The following HRG variants were observed in gnomAD, a reference collection of about 807,000 sequenced individuals.
HRG encodes histidine-rich glycoprotein.
A neutral mutation model predicts 29.5 loss-of-function variants in HRG; 26 were observed. That is an observed-to-expected ratio of 0.88 (90% CI 0.65 to 1.22). The LOEUF is 1.22. Ranked by LOEUF, HRG falls within the 50% of genes most tolerant of loss-of-function variation. The pLI is 0.00. For synonymous variants in HRG, 243 were observed against 240.4 expected, an observed-to-expected ratio of 1.01 and a Z score of -0.10; for missense variants, 671 against 654.5, an observed-to-expected ratio of 1.03 and a Z score of -0.28.
chr3:186,677,789 C>A lies in HRG; in HGVS notation c.1484C>A (p.Pro495His). 2.5e-6 allele frequency: 4 copies of A among 1,614,128 alleles called. 1 individual carries two copies. The highest frequency in any genetic ancestry group is 3.4e-6 in the Non-Finnish European group (4 of 1,179,970). The change falls in exon 7 of 7, where the codon CCC becomes CAC. Residue 495 changes from proline to histidine, a missense_variant. Physicochemically the swap from Pro to His is moderately conservative, Grantham distance 77. Transcript: ENST00000232003. ...CATCCTCTAAAGCCAGACAATCAGC[C>A]CTTTCCTCAATCAGTCTCTGAATCA... ...HKHPLKPDNQ[P>H]FPQSVSESCP...
In HRG at chr3:186,677,725, G is replaced by A. The variant is rs745361026; in HGVS notation, c.1420G>A (p.Glu474Lys). 1.1e-5 allele frequency: 17 copies of A among 1,611,424 alleles called. No homozygotes were observed. The South Asian group carries it at 1.8e-4, about 17-fold the overall frequency. The part of the protein sequence containing the change: ...LRKGEVLPLP[E>K]ANFPSFPLPH... ...AAAAGGTGAGGTGCTGCCACTTCCT[G>A]AGGCCAATTTTCCCAGCTTCCCATT... The change falls in exon 7 of 7, where the codon GAG becomes AAG. Residue 474 changes from glutamate to lysine, a missense_variant. Physicochemically the swap from Glu to Lys is moderately conservative, Grantham distance 56. Coordinates refer to ENST00000232003, the MANE Select transcript of HRG (RefSeq NM_000412.5).
intron 5 of HRG, chr3:186,673,673 TC>T (rs1191489828): frequency 1.3e-5 from 2 of 152,112 alleles, no homozygotes; most frequent in Non-Finnish European, 2.9e-5. Flanking sequence ...CTCACAGGAA[TC>T]CCACTTGACA....
chr3:186,677,065 G>A lies in HRG; in HGVS notation c.760G>A (p.Gly254Ser). Residue 254 changes from glycine (G) to serine (S), a missense_variant, in exon 7 of 7, where the codon GGT becomes AGT. Coordinates refer to ENST00000232003, the MANE Select transcript of HRG (RefSeq NM_000412.5). ...TTTCCAGGAACATGAGAACATCAAT[G>A]GTGTACCGCCTCATTTGGGACATCC... ...FDPQEHENIN[G>S]VPPHLGHPFH... The A allele has an allele frequency of 6.2e-7, 1 of 1,613,980 alleles. No homozygotes were observed. The highest frequency in any genetic ancestry group is 8.5e-7 in the Non-Finnish European group (1 of 1,179,924).
intron 1 of HRG, chr3:186,668,518 G>T (rs1186450410): frequency 2.4e-5 from 5 of 205,346 alleles, no homozygotes; most frequent in Non-Finnish European, 5.0e-5. Flanking sequence ...GAAGAGAGAG[G>T]ATTTAGCTTT....
chr3:186,674,624 C>T (rs1422774101), intron 5 of HRG: 1 of 244,752 alleles, frequency 4.1e-6, no homozygotes, highest in Non-Finnish European at 8.0e-6. Flanking sequence ...CAGACACTTG[C>T]CTTGACAATG....
chr3:186,675,809 T>C (rs948100353), intron 6 of HRG, among the ~76,000 whole-genome samples: 2 of 149,466 alleles, frequency 1.3e-5, no homozygotes, highest in Non-Finnish European at 3.0e-5. Flanking sequence ...CAATCCCAAG[T>C]TAAAAAAAAG....
Position 186,671,766 on chromosome 3 carries a change from C to A in HRG, c.535C>A (p.Arg179=). The part of the protein sequence containing the change: ...NDDFASFRVD[R]IERVARVRGG... Reference sequence around the variant, plus strand: ...TGACTTTGCCTCTTTCAGAGTGGACCGAATCGAGAGAGTTGCAAGAGTGGT... The same window carrying A: ...TGACTTTGCCTCTTTCAGAGTGGACAGAATCGAGAGAGTTGCAAGAGTGGT... Residue 179 remains arginine (R), a synonymous_variant, in exon 4 of 7, where the codon CGA becomes AGA. Coordinates refer to ENST00000232003, the MANE Select transcript of HRG (RefSeq NM_000412.5). 6.2e-7 allele frequency: 1 copy of A among 1,613,812 alleles called. No homozygotes were observed. The highest frequency in any genetic ancestry group is 8.5e-7 in the Non-Finnish European group (1 of 1,179,888).
In HRG at chr3:186,671,605, G is replaced by A. The variant is rs750086510; in HGVS notation, c.392-18G>A. On this transcript the variant is annotated intron_variant, in intron 3 of 6. Transcript: ENST00000232003. ...ATTTCCAGCCCTTTACTGTGACACT[G>A]CTATCTTCTTTCTCCAGTCTCTTCA... 4 of 1,612,466 alleles carry A rather than the reference G, an allele frequency of 2.5e-6. No individual in the cohort carries two copies. The South Asian group carries it at 4.4e-5, about 18-fold the overall frequency.
Position 186,677,933 on chromosome 3 carries a change from A to G in HRG, c.*50A>G, listed in dbSNP as rs375471719. 3.3e-6 allele frequency: 5 copies of G among 1,534,108 alleles called. No individual in the cohort carries two copies. The highest frequency in any genetic ancestry group is 2.7e-5 in the African/African-American group (2 of 72,916). The stretch of plus-strand genomic sequence containing the variant: ...ATGAATAATACATTGAATTAGAAAC[A>G]TAAATAAAATGACCAGTAATTGTGA... On this transcript the variant is annotated 3_prime_UTR_variant, in exon 7 of 7. Transcript: ENST00000232003.
rs1367965463 is a variant in HRG, at chr3:186,675,300, T to TGAGA, written c.741+111_741+112insAGAG. ...CTATGAGTGGGTGTGTGTGTGTGTG[T>TGAGA]GTGTGTGTGAGAGAGAGAGAGAGAG... On this transcript the variant is annotated intron_variant, in intron 6 of 6. Coordinates refer to ENST00000232003, the MANE Select transcript of HRG (RefSeq NM_000412.5). 9.9e-4 allele frequency: 594 copies of TGAGA among 601,792 alleles called. 4 individuals are homozygous for TGAGA. Among genetic ancestry groups the TGAGA allele is most frequent in the African/African-American group, 5.3e-3 (233 of 44,368 alleles). The allele number at this position is 601,792 out of a possible 1,614,324, so 37.3% of individuals were successfully genotyped here. A position where few individuals can be genotyped will look rare whatever the true frequency, so the allele number is the denominator to read the frequency against.
Position 186,677,944 on chromosome 3 carries a change from G to C in HRG, c.*61G>C. ...ATTGAATTAGAAACATAAATAAAAT[G>C]ACCAGTAATTGTGAAAATTACAGTT... On this transcript the variant is annotated 3_prime_UTR_variant, in exon 7 of 7. Coordinates refer to ENST00000232003, the MANE Select transcript of HRG (RefSeq NM_000412.5). 1 of 1,500,192 alleles carries C rather than the reference G, an allele frequency of 6.7e-7. No individual in the cohort carries two copies. The highest frequency in any genetic ancestry group is 9.2e-7 in the Non-Finnish European group (1 of 1,082,556). The allele number at this position is 1,500,192 out of a possible 1,614,324, so 92.9% of individuals were successfully genotyped here.
chr3:186,671,737 A>G lies in HRG; in HGVS notation c.506A>G (p.Asn169Ser). ...NKALEKYKEE[N>S]DDFASFRVDR... is the part of the protein sequence containing the mutation. ...GCCCTTGAGAAGTACAAAGAGGAGA[A>G]TGATGACTTTGCCTCTTTCAGAGTG... The change falls in exon 4 of 7, where the codon AAT (asparagine) becomes AGT (serine). Residue 169 changes from asparagine (N) to serine (S), a missense_variant. Physicochemically the swap from Asn to Ser is conservative, Grantham distance 46. Coordinates refer to ENST00000232003, the MANE Select transcript of HRG (RefSeq NM_000412.5). 6.2e-7 allele frequency: 1 copy of G among 1,614,064 alleles called. No homozygotes were observed. The highest frequency in any genetic ancestry group is 8.5e-7 in the Non-Finnish European group (1 of 1,179,922).
At chr3:186,674,740 T>C in intron 5 of HRG, 1 of 352,664 alleles carries the variant, frequency 2.8e-6, no homozygotes, top group Non-Finnish European at 5.5e-6. Flanking sequence ...CCATTCCTCA[T>C]TGTCCTAGGC....
chr3:186,670,914 CA>C (rs1237334230), intron 3 of HRG, among the ~76,000 whole-genome samples: 1 of 152,028 alleles, frequency 6.6e-6, no homozygotes, highest in African/African-American at 2.4e-5. Context: ...ATAGCAAATC[CA>C]AATATGATAT....
intron 6 of HRG, among the ~76,000 whole-genome samples, chr3:186,676,597 A>G (rs1450698741): frequency 1.3e-5 from 2 of 151,932 alleles, no homozygotes; most frequent in Admixed American, 1.3e-4. Flanking sequence ...TGTCTCTACT[A>G]AAAATACAAA....
chr3:186,677,412 C>T lies in HRG; in HGVS notation c.1107C>T (p.His369=), dbSNP rs945204864. The T allele has an allele frequency of 6.2e-7, 1 of 1,608,170 alleles. No homozygotes were observed. The highest frequency in any genetic ancestry group is 8.5e-7 in the Non-Finnish European group (1 of 1,177,068). The part of the protein sequence containing the change: ...QHPHGHHPHA[H]HPHEHDTHRQ... Reference sequence around the variant, plus strand: ...CCCACGGACACCATCCCCATGCACACCATCCTCATGAACATGATACCCATA... The same window carrying T: ...CCCACGGACACCATCCCCATGCACATCATCCTCATGAACATGATACCCATA... Residue 369 remains histidine, a synonymous_variant, in exon 7 of 7, where the codon CAC becomes CAT. Coordinates refer to ENST00000232003, the MANE Select transcript of HRG (RefSeq NM_000412.5).
chr3:186,666,933 A>G (rs1293064474), intron 1 of HRG: 3 of 152,220 alleles, frequency 2.0e-5, no homozygotes, highest in African/African-American at 7.2e-5. Flanking sequence ...AAGAAGAAGA[A>G]GAAAACATAC....
chr3:186,677,102 G>A lies in HRG; in HGVS notation c.797G>A (p.Gly266Asp). 5 of 1,613,958 alleles carry A rather than the reference G, an allele frequency of 3.1e-6. No individual in the cohort carries two copies. The highest frequency in any genetic ancestry group is 3.4e-6 in the Non-Finnish European group (4 of 1,179,968). The change falls in exon 7 of 7, where the codon GGT becomes GAT. Residue 266 changes from glycine (G) to aspartate (D), a missense_variant. Physicochemically the swap from Gly to Asp is moderately conservative, Grantham distance 94. Coordinates refer to ENST00000232003, the MANE Select transcript of HRG (RefSeq NM_000412.5). ...CATTTGGGACATCCCTTCCACTGGG[G>A]TGGGCATGAGCGTTCTTCTACCACC... Reference protein sequence around the residue: ...PPHLGHPFHWGGHERSSTTKP... With the variant: ...PPHLGHPFHWDGHERSSTTKP...
Position 186,678,084 on chromosome 3 carries a change from T to A in HRG, c.*201T>A. On this transcript the variant is annotated 3_prime_UTR_variant, in exon 7 of 7. Coordinates refer to ENST00000232003, the MANE Select transcript of HRG (RefSeq NM_000412.5). Reference sequence around the variant, plus strand: ...GAAAGAACTCAGTGCTGCCTATTAGTAGTTAATTCTGTCACTCACCACTAC... The same window carrying A: ...GAAAGAACTCAGTGCTGCCTATTAGAAGTTAATTCTGTCACTCACCACTAC... 1 of 568,774 alleles carries A rather than the reference T, an allele frequency of 1.8e-6. No individual in the cohort carries two copies. The highest frequency in any genetic ancestry group is 3.1e-6 in the Non-Finnish European group (1 of 320,866). The allele number at this position is 568,774 out of a possible 1,614,324, so 35.2% of individuals were successfully genotyped here. A position where few individuals can be genotyped will look rare whatever the true frequency, so the allele number is the denominator to read the frequency against.
Sources: allele counts gnomAD v4.1 joint callset (sites outside exome capture counted in the v4.1 genomes callset), GRCh38; gene constraint gnomAD v4.1.1; transcripts MANE v1.5; gene names NCBI Gene and HGNC (gene_info 2026-07-23, HGNC 2026-07-21).